CDH12: variants seen among roughly 807,000 people sequenced by gnomAD.
The protein encoded by CDH12 is cadherin-12.
Under a neutral mutation model 74.1 loss-of-function variants are expected in CDH12, and 41 were observed. That is an observed-to-expected ratio of 0.55 (90% CI 0.43 to 0.72). CDH12 has a LOEUF of 0.72. CDH12 is among the 30% of genes least tolerant of loss of function. The pLI, the probability that CDH12 is intolerant of heterozygous loss-of-function variation, is 0.00. For synonymous variants in CDH12, 399 were observed against 355.0 expected, an observed-to-expected ratio of 1.12 and a Z score of -1.39; for missense variants, 945 against 977.2, an observed-to-expected ratio of 0.97 and a Z score of 0.44.
At chr5:22,198,966 A>G (rs1436219936) in intron 4 of CDH12, among the ~76,000 whole-genome samples, 1 of 152,006 alleles carries the variant, frequency 6.6e-6, no homozygotes, top group Non-Finnish European at 1.5e-5. Context: ...CACTAGAGAG[A>G]TAGAGAGAGT....
intron 1 of CDH12, among the ~76,000 whole-genome samples, chr5:22,673,725 C>G (rs941780560): frequency 3.9e-5 from 6 of 152,068 alleles, no homozygotes; most frequent in African/African-American, 1.4e-4. Context: ...AGAGTTCTTG[C>G]ATCACCTCCC....
At chr5:22,480,695 C>G (rs1746353865) in intron 2 of CDH12, among the ~76,000 whole-genome samples, 1 of 152,104 alleles carries the variant, frequency 6.6e-6, no homozygotes, top group African/African-American at 2.4e-5. Context: ...AGCTTTTCCT[C>G]AAACAAGTTT....
At chr5:22,023,589 A>ATG (rs1355431616) in intron 5 of CDH12, among the ~76,000 whole-genome samples, 2 of 152,010 alleles carry the variant, frequency 1.3e-5, no homozygotes, top group African/African-American at 4.8e-5. Context: ...CTATATATAT[A>ATG]TATACACACA....
chr5:22,273,601 CA>C (rs1736500676), intron 3 of CDH12, among the ~76,000 whole-genome samples: 1 of 152,166 alleles, frequency 6.6e-6, no homozygotes, highest in Non-Finnish European at 1.5e-5. Flanking sequence ...TGAGAACTCT[CA>C]GCGTCTTTTC....
chr5:22,836,453 A>G (rs1022511251), intron 1 of CDH12, among the ~76,000 whole-genome samples: 1 of 148,492 alleles, frequency 6.7e-6, no homozygotes, highest in African/African-American at 2.5e-5. Context: ...CTGGTCTCAA[A>G]CTCCTGACCT....
intron 5 of CDH12, among the ~76,000 whole-genome samples, chr5:22,007,993 C>T (rs1293631745): frequency 3.9e-5 from 6 of 152,044 alleles, no homozygotes; most frequent in Non-Finnish European, 7.3e-5. Flanking sequence ...CACACAGGGA[C>T]AGAAAGAGAG....
chr5:21,891,414 A>C (rs1752891290), intron 6 of CDH12, among the ~76,000 whole-genome samples: 1 of 152,128 alleles, frequency 6.6e-6, no homozygotes, highest in Non-Finnish European at 1.5e-5. Context: ...TTTAAGATAA[A>C]ATCTCATTTT....
At chr5:22,082,277 C>G (rs1017406208) in intron 4 of CDH12, among the ~76,000 whole-genome samples, 1 of 152,160 alleles carries the variant, frequency 6.6e-6, no homozygotes, top group South Asian at 2.1e-4. Context: ...CACCTTTTCA[C>G]ATAAAAGGAA....
chr5:22,799,642 C>T (rs573367456), intron 1 of CDH12, among the ~76,000 whole-genome samples: 2 of 152,216 alleles, frequency 1.3e-5, no homozygotes, highest in South Asian at 4.1e-4. Flanking sequence ...TTTGAAGTAA[C>T]TATTTTATTG....
intron 3 of CDH12, among the ~76,000 whole-genome samples, chr5:22,281,310 G>A (rs543076920): frequency 1.3e-5 from 2 of 152,118 alleles, no homozygotes; most frequent in African/African-American, 4.8e-5. Flanking sequence ...TTTGAAAACC[G>A]GCACAGGAAA....
At chr5:22,425,552 G>A (rs578021321) in intron 2 of CDH12, among the ~76,000 whole-genome samples, 1 of 151,956 alleles carries the variant, frequency 6.6e-6, no homozygotes, top group East Asian at 1.9e-4. Context: ...AGTAGCAACC[G>A]ATGACAATAT....
intron 5 of CDH12, among the ~76,000 whole-genome samples, chr5:22,058,895 A>C (rs989595002): frequency 6.6e-6 from 1 of 152,114 alleles, no homozygotes; most frequent in African/African-American, 2.4e-5. Flanking sequence ...TTTTAAAGCC[A>C]GGGTTTTAGA....
chr5:22,271,500 A>G (rs1736397753), intron 3 of CDH12, among the ~76,000 whole-genome samples: 1 of 152,218 alleles, frequency 6.6e-6, no homozygotes, highest in South Asian at 2.1e-4. Context: ...CCTACTTCCA[A>G]AAAACACAAA....
At chr5:22,160,023 G>T (rs2150318006) in intron 4 of CDH12, among the ~76,000 whole-genome samples, 1 of 152,162 alleles carries the variant, frequency 6.6e-6, no homozygotes, top group Middle Eastern at 3.4e-3. Context: ...ATATGTACCA[G>T]GCCAATGAAA....
intron 3 of CDH12, among the ~76,000 whole-genome samples, chr5:22,333,277 G>A (rs1739425281): frequency 6.6e-6 from 1 of 151,800 alleles, no homozygotes; most frequent in Non-Finnish European, 1.5e-5. Context: ...ATAACACATG[G>A]ACACAACGAG....
rs139664700 is a variant in CDH12, at chr5:22,103,596, T to C, written c.-186-24734A>G. Among the ~76,000 whole-genome samples the C allele has an allele frequency of 7.7e-3, 1,170 of 152,364 alleles. 9 individuals are homozygous for C. The highest frequency in any genetic ancestry group is 0.012 in the Non-Finnish European group (785 of 68,028). On this transcript the variant is annotated intron_variant, in intron 4 of 14. Transcript: ENST00000382254. ...CGCTTCTTATGCAGCTAATCGTTTA[T>C]TGCTTATTAAACTGCTAATAAAATC...
At chr5:21,929,470 T>C (rs1256562119) in intron 6 of CDH12, among the ~76,000 whole-genome samples, 1 of 151,910 alleles carries the variant, frequency 6.6e-6, no homozygotes, top group East Asian at 1.9e-4. Context: ...ATAGGGTTCA[T>C]GCTTCTATGA....
intron 1 of CDH12, among the ~76,000 whole-genome samples, chr5:22,552,765 G>C (rs1239858488): frequency 6.6e-6 from 1 of 152,038 alleles, no homozygotes; most frequent in Non-Finnish European, 1.5e-5. Flanking sequence ...ATACAGGTAT[G>C]ATGAGTTTTC....
At chr5:22,393,313 C>T (rs1464581178) in intron 3 of CDH12, among the ~76,000 whole-genome samples, 5 of 152,132 alleles carry the variant, frequency 3.3e-5, no homozygotes, top group African/African-American at 1.2e-4. Context: ...ACACTAATGA[C>T]TACCAGAAAC....
Sources: allele counts gnomAD v4.1 joint callset (sites outside exome capture counted in the v4.1 genomes callset), GRCh38; gene constraint gnomAD v4.1.1; transcripts MANE v1.5; gene names NCBI Gene and HGNC (gene_info 2026-07-23, HGNC 2026-07-21).